Variants in FGFR1 observed in about 807,000 individuals in gnomAD.
FGFR1 encodes the protein FGFR1/PLAG1 fusion.
Under a neutral mutation model 93.7 loss-of-function variants are expected in FGFR1, and 18 were observed. That is an observed-to-expected ratio of 0.19 (90% CI 0.13 to 0.28). FGFR1 has a LOEUF of 0.28. Among genes scored for constraint, FGFR1 ranks in the 10% least tolerant of loss-of-function variants. The pLI is 1.00. For synonymous variants in FGFR1, 448 were observed against 429.3 expected, an observed-to-expected ratio of 1.04 and a Z score of -0.54; for missense variants, 731 against 1,080.4, an observed-to-expected ratio of 0.68 and a Z score of 4.53.
intron 2 of FGFR1, among the ~76,000 whole-genome samples, chr8:38,449,898 A>G (rs1830511964): frequency 6.6e-6 from 1 of 152,212 alleles, no homozygotes; most frequent in Non-Finnish European, 1.5e-5. Flanking sequence ...AAGAAACAGG[A>G]GAAGGGAGGG....
rs1465827827 is a variant in FGFR1 at position 38,468,573 on chromosome 8, T to TAGCTGCCGCCCGCC, written c.-695_-682dup. ...GCTGCACCGGCGTCCCGGCTCCCGC[T>TAGCTGCCGCCCGCC]AGCTGCCGCCCGCCGCCGAGGACGC... On this transcript the variant is annotated 5_prime_UTR_variant, in exon 1 of 18. Transcript: ENST00000447712. 2.6e-5 allele frequency: 6 copies of TAGCTGCCGCCCGCC among 228,980 alleles called. No individual in the cohort carries two copies. The highest frequency in any genetic ancestry group is 3.5e-5 in the Non-Finnish European group (4 of 115,250). 14.2% of individuals were successfully genotyped at this position (228,980 alleles called of 1,614,324 possible). A position where few individuals can be genotyped will look rare whatever the true frequency, so the allele number is the denominator to read the frequency against.
rs190666762 is a variant in FGFR1 at position 38,445,125 on chromosome 8, G to A, written c.91+12231C>T. Among the ~76,000 whole-genome samples, 228 of 152,308 alleles carry A rather than the reference G, an allele frequency of 1.5e-3. 1 individual carries two copies. Among genetic ancestry groups the A allele is most frequent in the African/African-American group, 5.2e-3 (215 of 41,578 alleles). ...CTGGGTCTTGTGAGATGATAGAGGG[G>A]CATCGCTTACTGGCATCCCTTTCCG... On this transcript the variant is annotated intron_variant, in intron 2 of 17. Transcript: ENST00000447712.
Position 38,415,997 on chromosome 8 carries a change from C to T in FGFR1, c.1727G>A (p.Arg576Gln), listed in dbSNP as rs1482868825. The change falls in exon 13 of 18, where the codon CGG (arginine) becomes CAG (glutamine). Residue 576 changes from arginine to glutamine, a missense_variant. Around this residue, in one of 10 missense-constraint regions of FGFR1, gnomAD observed 39 missense variants for 39.2 expected, o/e 1.00. Transcript: ENST00000447712. ...GCAGTATTCCAGCCCTGGGGGCCTC[C>T]GGGCCTGCAGGTACTCCCGCAGGTT... Reference protein sequence around the residue: ...KGNLREYLQARRPPGLEYCYN... With the variant: ...KGNLREYLQAQRPPGLEYCYN... 6.2e-7 allele frequency: 1 copy of T among 1,613,934 alleles called. No homozygotes were observed. The highest frequency in any genetic ancestry group is 8.5e-7 in the Non-Finnish European group (1 of 1,179,970).
Position 38,461,263 on chromosome 8 carries a change from A to C in FGFR1, c.-88-3729T>G, listed in dbSNP as rs189813799. 158 of 757,484 alleles carry C rather than the reference A, an allele frequency of 2.1e-4. 1 individual carries two copies. The East Asian group carries it at 4.3e-3, about 21-fold the overall frequency. The allele number at this position is 757,484 out of a possible 1,614,324, so 46.9% of individuals were successfully genotyped here. On this transcript the variant is annotated intron_variant, in intron 1 of 17. Transcript: ENST00000447712. The stretch of plus-strand genomic sequence containing the variant: ...CTTGAAGCTCTCCCACTTCTAAGAG[A>C]AAAACCTATGAATGTCAGATCTCCT...
In FGFR1 at chr8:38,457,545, G is replaced by GA. The variant is rs766035429; in HGVS notation, c.-88-12dup. 2.5e-6 allele frequency: 4 copies of GA among 1,569,314 alleles called. No homozygotes were observed. The highest frequency in any genetic ancestry group is 1.7e-6 in the Non-Finnish European group (2 of 1,159,374). On this transcript the variant is annotated splice_polypyrimidine_tract_variant and intron_variant, in intron 1 of 17. Transcript: ENST00000447712. Reference sequence around the variant, plus strand: ...CTTTTCAAACTGACCCTGAGGAAAGGAAAAAAACCCCAAAAGTTAGGAGGG... The same window carrying GA: ...CTTTTCAAACTGACCCTGAGGAAAGGAAAAAAAACCCCAAAAGTTAGGAGGG...
intron 7 of FGFR1, chr8:38,423,043 T>C (rs1819384058): frequency 1.3e-6 from 1 of 779,724 alleles, no homozygotes; most frequent in Non-Finnish European, 2.4e-6. Flanking sequence ...ACAGGTCTGG[T>C]GACAGTGAGC....
rs1178082957 is a variant in FGFR1, at chr8:38,411,869, A to G, written c.*1759T>C. ...GAAGCCAAGATCTGCGACAGTCCCA[A>G]CAAATACAGTCTGGTCACATGGATA... is the stretch of plus-strand genomic sequence containing the variant. On this transcript the variant is annotated 3_prime_UTR_variant, in exon 18 of 18. Coordinates refer to ENST00000447712, the MANE Select transcript of FGFR1 (RefSeq NM_023110.3). 3.1e-5 allele frequency: 7 copies of G among 228,824 alleles called. No homozygotes were observed. The highest frequency in any genetic ancestry group is 1.1e-4 in the Admixed American group (2 of 17,648). 14.2% of individuals were successfully genotyped at this position (228,824 alleles called of 1,614,324 possible).
intron 2 of FGFR1, among the ~76,000 whole-genome samples, chr8:38,441,927 G>A (rs1827623140): frequency 6.6e-6 from 1 of 152,188 alleles, no homozygotes; most frequent in African/African-American, 2.4e-5. Context: ...ATTATGACTT[G>A]AACCCAAGTC....
At chr8:38,443,330 C>T (rs964297923) in intron 2 of FGFR1, among the ~76,000 whole-genome samples, 3 of 151,996 alleles carry the variant, frequency 2.0e-5, no homozygotes, top group South Asian at 2.1e-4. Context: ...ATACCGTACC[C>T]GACGATTATA....
chr8:38,419,181 A>G (rs1467765882), intron 9 of FGFR1, among the ~76,000 whole-genome samples: 2 of 152,210 alleles, frequency 1.3e-5, no homozygotes, highest in Non-Finnish European at 2.9e-5. Context: ...AAAATGGACT[A>G]ATACAAACAG....
At chr8:38,451,280 C>T (rs1586681836) in intron 2 of FGFR1, among the ~76,000 whole-genome samples, 2 of 151,748 alleles carry the variant, frequency 1.3e-5, no homozygotes, top group Non-Finnish European at 2.9e-5. Context: ...GCCTGTGTCC[C>T]AAGGCAGCCT....
chr8:38,432,653 C>T (rs1238468938), intron 2 of FGFR1, among the ~76,000 whole-genome samples: 4 of 152,180 alleles, frequency 2.6e-5, no homozygotes, highest in Admixed American at 1.3e-4. Context: ...GATCTGCCTG[C>T]CTCGGCCTCC....
intron 2 of FGFR1, chr8:38,440,458 T>C (rs1328763170): frequency 8.8e-7 from 1 of 1,135,038 alleles, no homozygotes. Context: ...GCTGCAAAAA[T>C]GGGGGGCACA....
In FGFR1 at chr8:38,424,816, C is replaced by G. The variant is rs1820148476; in HGVS notation, c.746-117G>C. The stretch of plus-strand genomic sequence containing the variant: ...GTGATGGGTTGTAAACCTCCCAGCA[C>G]TTCTGCTGAGCCCAAGCCTCTCAAA... On this transcript the variant is annotated intron_variant, in intron 6 of 17. Transcript: ENST00000447712. This position sits in a 1 kb window ranked among gnomAD's most constrained non-coding sequence, Gnocchi z 4.3. 2.9e-6 allele frequency: 3 copies of G among 1,037,136 alleles called. No individual in the cohort carries two copies. In the African/African-American group the frequency reaches 4.8e-5, roughly 16 times the overall value. The allele number at this position is 1,037,136 out of a possible 1,614,324, so 64.2% of individuals were successfully genotyped here.
At chr8:38,418,143 A>C in intron 10 of FGFR1, 85 bp downstream of exon 10, 1 of 1,600,384 alleles carries the variant, frequency 6.2e-7, no homozygotes, top group Non-Finnish European at 8.6e-7. Context: ...TTCACCGCCC[A>C]GAAGGTGTTA....
chr8:38,468,425 C>G lies in FGFR1; in HGVS notation c.-533G>C, dbSNP rs945799861. 13 of 228,380 alleles carry G rather than the reference C, an allele frequency of 5.7e-5. No individual in the cohort carries two copies. The highest frequency in any genetic ancestry group is 9.6e-5 in the Non-Finnish European group (11 of 114,808). 14.1% of individuals were successfully genotyped at this position (228,380 alleles called of 1,614,324 possible). ...AAAGTCCTTGGGTTCCGCGGCTTTT[C>G]AAGCAGCGGCGCGCTCGCGGCCGGG... On this transcript the variant is annotated 5_prime_UTR_variant, in exon 1 of 18. Transcript: ENST00000447712.
At chr8:38,419,286 T>C (rs1416833286) in intron 9 of FGFR1, among the ~76,000 whole-genome samples, 1 of 152,214 alleles carries the variant, frequency 6.6e-6, no homozygotes, top group African/African-American at 2.4e-5. Context: ...CAAATAGGAC[T>C]TCCTCCCAAT....
chr8:38,414,800 G>A lies in FGFR1; in HGVS notation c.1956C>T (p.Asp652=), dbSNP rs764253969. 6.2e-7 allele frequency: 1 copy of A among 1,614,036 alleles called. No individual in the cohort carries two copies. Among genetic ancestry groups the A allele is most frequent in the East Asian group, 2.2e-5 (1 of 44,850 alleles). ...TCACGTTGGTTGTCTTTTTATAGTA[G>A]TCGATGTGGTGAATGTCCCGTGCGA... ...FGLARDIHHI[D]YYKKTTNGRL... is the part of the protein sequence containing the mutation. Residue 652 remains aspartate, a synonymous_variant, in exon 14 of 18, where the codon GAC becomes GAT. Coordinates refer to ENST00000447712, the MANE Select transcript of FGFR1 (RefSeq NM_023110.3).
Position 38,429,673 on chromosome 8 carries a change from G to T in FGFR1, c.358+9C>A, listed in dbSNP as rs1164128939. ...TAGGGAGGGGCAAGGGCAGGGCTTG[G>T]CTACCAACCTGAAACATTGACGGAG... is the stretch of plus-strand genomic sequence containing the variant. On this transcript the variant is annotated intron_variant, in intron 3 of 17. Coordinates refer to ENST00000447712, the MANE Select transcript of FGFR1 (RefSeq NM_023110.3). This position sits in a 1 kb window ranked among gnomAD's most constrained non-coding sequence, Gnocchi z 4.4. The T allele has an allele frequency of 7.0e-6, 11 of 1,562,080 alleles. No individual in the cohort carries two copies. The highest frequency in any genetic ancestry group is 9.5e-6 in the Non-Finnish European group (11 of 1,152,768).
Sources: gnomAD v4.1 joint callset for allele counts (sites outside exome capture counted in the v4.1 genomes callset) on GRCh38, gnomAD v4.1.1 for gene constraint, gnomAD v4.1.1 regional missense constraint, Gnocchi (gnomAD v3.1) non-coding constraint, MANE v1.5 for transcripts, NCBI Gene and HGNC (gene_info 2026-07-23, HGNC 2026-07-21) for gene names.